Variants in CAMK2B observed in about 807,000 individuals in gnomAD.
The protein encoded by CAMK2B is calcium/calmodulin-dependent protein kinase type II subunit beta.
CAMK2B carries 27 observed loss-of-function variants against 93.7 expected under a neutral mutation model. That is an observed-to-expected ratio of 0.29 (90% CI 0.21 to 0.40). CAMK2B has a LOEUF of 0.40. CAMK2B is among the 10% of genes least tolerant of loss of function. The probability of loss-of-function intolerance (pLI) is 1.00; values close to 1 mark genes in which losing one functional copy is unlikely to be tolerated. For missense variants in CAMK2B, 568 were observed against 895.8 expected, an observed-to-expected ratio of 0.63 and a Z score of 4.67; for synonymous variants, 374 against 358.8, an observed-to-expected ratio of 1.04 and a Z score of -0.48.
chr7:44,325,258 G>T (rs1713064489), intron 1 of CAMK2B, 99 bp downstream of exon 1: 2 of 606,616 alleles, frequency 3.3e-6, no homozygotes, highest in Non-Finnish European at 2.1e-6. Context: ...CCGGCGGCGC[G>T]CGGGCCCGCA....
At chr7:44,272,497 C>T (rs1029214181) in intron 2 of CAMK2B, among the ~76,000 whole-genome samples, 7 of 152,162 alleles carry the variant, frequency 4.6e-5, no homozygotes, top group African/African-American at 1.7e-4. Context: ...AAAGGCAACA[C>T]GACAACCAGC....
intron 1 of CAMK2B, among the ~76,000 whole-genome samples, chr7:44,298,186 T>C (rs928766822): frequency 6.6e-6 from 1 of 152,064 alleles, no homozygotes; most frequent in Non-Finnish European, 1.5e-5. Flanking sequence ...GACACCGGCA[T>C]AAGGACAGAC....
intron 4 of CAMK2B, 81 bp from the exon 5 acceptor site, chr7:44,254,688 A>T: frequency 1.1e-6 from 1 of 871,750 alleles, no homozygotes; most frequent in Non-Finnish European, 2.0e-6. Flanking sequence ...TACCACCACC[A>T]CCATCACCAC....
chr7:44,301,193 T>C (rs1234576449), intron 1 of CAMK2B, among the ~76,000 whole-genome samples: 3 of 152,152 alleles, frequency 2.0e-5, no homozygotes, highest in African/African-American at 7.2e-5. Context: ...AGTGACACAA[T>C]CATAGCCCAC....
At chr7:44,254,826 C>T (rs146021317) in intron 4 of CAMK2B, among the ~76,000 whole-genome samples, 73 of 147,490 alleles carry the variant, frequency 4.9e-4, no homozygotes, top group African/African-American at 1.7e-3. Context: ...TCACTTGGGA[C>T]TGACAGCTTA....
At chr7:44,277,247 C>T (rs1007915272) in intron 2 of CAMK2B, among the ~76,000 whole-genome samples, 19 of 152,154 alleles carry the variant, frequency 1.2e-4, no homozygotes, top group African/African-American at 3.9e-4. Flanking sequence ...TCTTTACCCC[C>T]GTCAATTAAT....
At chr7:44,229,112 G>C (rs886894723) in intron 18 of CAMK2B, 188 bp from the exon 19 acceptor site, 1 of 676,042 alleles carries the variant, frequency 1.5e-6, no homozygotes, top group Non-Finnish European at 2.7e-6. Flanking sequence ...AGTGAGGCCT[G>C]CACCGACCCT....
At chr7:44,228,266 C>T (rs1034557694) in intron 19 of CAMK2B, among the ~76,000 whole-genome samples, 6 of 152,022 alleles carry the variant, frequency 3.9e-5, no homozygotes, top group Non-Finnish European at 7.4e-5. Flanking sequence ...CGTACTATCC[C>T]CTTGTTGGTG....
intron 1 of CAMK2B, among the ~76,000 whole-genome samples, chr7:44,294,502 T>C (rs1239326134): frequency 6.6e-6 from 1 of 152,142 alleles, no homozygotes; most frequent in African/African-American, 2.4e-5. Flanking sequence ...TGCCCTGTGA[T>C]TGATTGGCAA....
rs929381017 is a variant in CAMK2B at position 44,225,785 on chromosome 7, G to A, written c.1597+731C>T. 23 of 1,289,338 alleles carry A rather than the reference G, an allele frequency of 1.8e-5. No individual in the cohort carries two copies. The highest frequency in any genetic ancestry group is 2.3e-5 in the Admixed American group (1 of 43,542). The allele number at this position is 1,289,338 out of a possible 1,614,324, so 79.9% of individuals were successfully genotyped here. The stretch of plus-strand genomic sequence containing the variant: ...TACCTAGCCACTGCCCTGCCATGCC[G>A]AGCCCGTGGCCCAGCAGCCTCTTCT... On this transcript the variant is annotated intron_variant, in intron 20 of 23. Coordinates refer to ENST00000395749, the MANE Select transcript of CAMK2B (RefSeq NM_001220.5). The surrounding 1 kb of genome is among the most constrained non-coding windows in gnomAD (Gnocchi z 5.0).
At chr7:44,259,307 T>G in intron 3 of CAMK2B, 1 of 212,750 alleles carries the variant, frequency 4.7e-6, no homozygotes. Context: ...AGCTCACACC[T>G]CCAAACCCCA....
chr7:44,232,582 C>T (rs1317580383), intron 16 of CAMK2B, among the ~76,000 whole-genome samples: 6 of 152,316 alleles, frequency 3.9e-5, no homozygotes, highest in East Asian at 1.9e-4. Flanking sequence ...CTGAGAGTGT[C>T]GGCCACATGG....
Position 44,221,358 on chromosome 7 carries a change from T to C in CAMK2B, c.1598-457A>G, listed in dbSNP as rs868623581. Among the ~76,000 whole-genome samples, 8 of 152,306 alleles carry C rather than the reference T, an allele frequency of 5.3e-5. 1 individual carries two copies. In the Middle Eastern group the frequency reaches 0.017, roughly 324 times the overall value. ...CTCCCGAGCCTTGGGTTCTTAGTGC[T>C]TCCTTCACCCAGCAGCTCTGGTGAG... On this transcript the variant is annotated intron_variant, in intron 20 of 23. Transcript: ENST00000395749.
intron 1 of CAMK2B, among the ~76,000 whole-genome samples, chr7:44,322,986 C>A (rs1796495334): frequency 6.6e-6 from 1 of 152,224 alleles, no homozygotes; most frequent in Non-Finnish European, 1.5e-5. Flanking sequence ...GCATAACAAC[C>A]AAGGGACCCC....
At chr7:44,287,133 G>T (rs369352909) in intron 1 of CAMK2B, among the ~76,000 whole-genome samples, 1 of 152,082 alleles carries the variant, frequency 6.6e-6, no homozygotes, top group Non-Finnish European at 1.5e-5. Context: ...GCGCAGGAGG[G>T]CTGGCTCCCA....
intron 2 of CAMK2B, among the ~76,000 whole-genome samples, chr7:44,283,500 C>T (rs1394088932): frequency 6.6e-6 from 1 of 152,254 alleles, no homozygotes; most frequent in African/African-American, 2.4e-5. Context: ...GGCCCTTCCT[C>T]GCACACACCC....
intron 1 of CAMK2B, among the ~76,000 whole-genome samples, chr7:44,314,269 G>T (rs933915153): frequency 1.3e-5 from 2 of 152,052 alleles, no homozygotes; most frequent in African/African-American, 4.8e-5. Context: ...AAACTTCTAC[G>T]CATTAGCAGT....
chr7:44,325,533 G>T lies in CAMK2B; in HGVS notation c.-112C>A. 1.9e-6 allele frequency: 1 copy of T among 536,164 alleles called. No homozygotes were observed. The highest frequency in any genetic ancestry group is 2.4e-6 in the Non-Finnish European group (1 of 421,056). 33.2% of individuals were successfully genotyped at this position (536,164 alleles called of 1,614,324 possible). A position where few individuals can be genotyped will look rare whatever the true frequency, so the allele number is the denominator to read the frequency against. On this transcript the variant is annotated 5_prime_UTR_variant, in exon 1 of 24. Coordinates refer to ENST00000395749, the MANE Select transcript of CAMK2B (RefSeq NM_001220.5). ...GGGCGCGGGCGCGGGAGACACCTCG[G>T]CTCGCGGCGCCAGGCGGGGGCCGGG...
At chr7:44,222,258 C>T (rs952756684) in intron 20 of CAMK2B, among the ~76,000 whole-genome samples, 3 of 152,226 alleles carry the variant, frequency 2.0e-5, no homozygotes, top group Non-Finnish European at 4.4e-5. Context: ...CGCTCTGTGA[C>T]CCTCAGGCTG....
Sources: gnomAD v4.1 joint callset for allele counts (sites outside exome capture counted in the v4.1 genomes callset) on GRCh38, gnomAD v4.1.1 for gene constraint, Gnocchi (gnomAD v3.1) non-coding constraint, MANE v1.5 for transcripts, NCBI Gene and HGNC (gene_info 2026-07-23, HGNC 2026-07-21) for gene names.